FOXN3: variants seen among roughly 807,000 people sequenced by gnomAD.
FOXN3 encodes the protein forkhead box N3.
In FOXN3, 7 loss-of-function variants were observed where a neutral mutation model predicts 38.4. The ratio of observed to expected loss-of-function variants is 0.18; its 90% CI spans 0.10 to 0.34. The LOEUF (loss-of-function observed/expected upper bound fraction) is 0.34, where lower values mean the gene tolerates loss of function less well. Among genes scored for constraint, FOXN3 ranks in the 10% least tolerant of loss-of-function variants. The probability of loss-of-function intolerance (pLI) is 1.00; values close to 1 mark genes in which losing one functional copy is unlikely to be tolerated. For missense variants in FOXN3, 456 were observed against 613.4 expected (o/e 0.74, Z 2.71); for synonymous variants, 230 against 242.2 (o/e 0.95, Z 0.47).
At chr14:89,201,511 C>A (rs1052639940) in intron 4 of FOXN3, among the ~76,000 whole-genome samples, 2 of 152,176 alleles carry the variant, frequency 1.3e-5, no homozygotes, top group African/African-American at 4.8e-5. Flanking sequence ...TGGAGACTCC[C>A]AAGAGACCCC....
intron 1 of FOXN3, among the ~76,000 whole-genome samples, chr14:89,453,236 C>T (rs1404301851): frequency 6.6e-6 from 1 of 150,644 alleles, no homozygotes; most frequent in East Asian, 2.0e-4. Flanking sequence ...TAAAATGAAC[C>T]CAATGATAAT....
intron 1 of FOXN3, among the ~76,000 whole-genome samples, chr14:89,563,077 G>A (rs1596318568): frequency 6.6e-6 from 1 of 152,134 alleles, no homozygotes. Context: ...CCTGTACATC[G>A]AAGAGATGCC....
intron 1 of FOXN3, among the ~76,000 whole-genome samples, chr14:89,595,625 T>C (rs1301592047): frequency 1.3e-5 from 2 of 152,226 alleles, no homozygotes; most frequent in South Asian, 2.1e-4. Context: ...TACTCAGTAA[T>C]TTAGTCTCCC....
chr14:89,287,155 T>C (rs886262604), intron 3 of FOXN3, among the ~76,000 whole-genome samples: 3 of 151,456 alleles, frequency 2.0e-5, no homozygotes, highest in African/African-American at 7.4e-5. Flanking sequence ...GTTTTTCTTT[T>C]AGTTGTTTTT....
intron 1 of FOXN3, among the ~76,000 whole-genome samples, chr14:89,547,031 C>T (rs1345205149): frequency 2.6e-5 from 4 of 151,812 alleles, no homozygotes; most frequent in African/African-American, 7.2e-5. Flanking sequence ...GCGATCCACC[C>T]GCCGCAGCCT....
At chr14:89,435,549 A>C (rs1892258354) in intron 1 of FOXN3, among the ~76,000 whole-genome samples, 1 of 152,106 alleles carries the variant, frequency 6.6e-6, no homozygotes, top group African/African-American at 2.4e-5. Flanking sequence ...TACGACAGCC[A>C]AAGCATTCGT....
chr14:89,391,655 C>T (rs1890950173), intron 2 of FOXN3, among the ~76,000 whole-genome samples: 1 of 152,196 alleles, frequency 6.6e-6, no homozygotes, highest in African/African-American at 2.4e-5. Context: ...TCCCCAAATA[C>T]AGCCTGGTTG....
At chr14:89,429,404 G>A (rs1180146227) in intron 1 of FOXN3, among the ~76,000 whole-genome samples, 2 of 152,160 alleles carry the variant, frequency 1.3e-5, no homozygotes, top group Admixed American at 6.5e-5. Flanking sequence ...TCAACGCACT[G>A]GCTTGCTTTT....
rs917988 is a variant in FOXN3 at position 89,349,301 on chromosome 14, C to A, written c.680+1371G>T. Reference sequence around the variant, plus strand: ...GGCTGGGCTGCTTTGGAAAATCCCACTTTCTCTCCTACAGCTATATGACCT... The same window carrying A: ...GGCTGGGCTGCTTTGGAAAATCCCAATTTCTCTCCTACAGCTATATGACCT... On this transcript the variant is annotated intron_variant, in intron 3 of 5. Transcript: ENST00000557258. Among the ~76,000 whole-genome samples, 959 of 152,300 alleles carry A rather than the reference C, an allele frequency of 6.3e-3. 17 individuals are homozygous for A. The highest frequency in any genetic ancestry group is 0.022 in the African/African-American group (907 of 41,560).
rs187263980 is a variant in FOXN3, at chr14:89,409,029, C to A, written c.543+2905G>T. Among the ~76,000 whole-genome samples the A allele has an allele frequency of 6.6e-5, 10 of 152,274 alleles. No individual in the cohort carries two copies. The East Asian group carries it at 1.7e-3, about 27-fold the overall frequency. On this transcript the variant is annotated intron_variant, in intron 2 of 5. Coordinates refer to ENST00000557258, the MANE Select transcript of FOXN3 (RefSeq NM_005197.4). ...GGGTGTACCTGAGCATACCTGGGAG[C>A]CTGCACCTCTCACAGCAGCCAGCAG... is the stretch of plus-strand genomic sequence containing the variant.
chr14:89,297,488 A>C (rs1887078522), intron 3 of FOXN3, among the ~76,000 whole-genome samples: 1 of 150,514 alleles, frequency 6.6e-6, no homozygotes, highest in African/African-American at 2.4e-5. Context: ...TGAAACTGGG[A>C]GGCGGAGCTT....
intron 1 of FOXN3, among the ~76,000 whole-genome samples, chr14:89,532,298 T>G (rs1034094170): frequency 1.3e-5 from 2 of 152,214 alleles, no homozygotes; most frequent in African/African-American, 4.8e-5. Context: ...TAAACCAGAC[T>G]GTGTTTAAGT....
chr14:89,455,604 C>CACGT (rs1399929419), intron 1 of FOXN3, among the ~76,000 whole-genome samples: 1 of 152,188 alleles, frequency 6.6e-6, no homozygotes, highest in Non-Finnish European at 1.5e-5. Context: ...CGGCCACAGC[C>CACGT]ACGTAGCAGG....
chr14:89,564,565 A>G (rs1895311432), intron 1 of FOXN3, among the ~76,000 whole-genome samples: 2 of 152,196 alleles, frequency 1.3e-5, no homozygotes, highest in Admixed American at 6.6e-5. Context: ...GTACAGTTGA[A>G]GGTGGTAATG....
At chr14:89,563,200 ACTGT>A (rs1895284472) in intron 1 of FOXN3, among the ~76,000 whole-genome samples, 1 of 152,274 alleles carries the variant, frequency 6.6e-6, no homozygotes, top group Admixed American at 6.5e-5. Context: ...ATAAGCCAGG[ACTGT>A]CTTACATGCT....
At chr14:89,450,926 G>GC (rs1051526519) in intron 1 of FOXN3, among the ~76,000 whole-genome samples, 10 of 152,238 alleles carry the variant, frequency 6.6e-5, no homozygotes, top group African/African-American at 2.2e-4. Flanking sequence ...TGCCACAAAG[G>GC]CCCCCCAGGG....
intron 1 of FOXN3, among the ~76,000 whole-genome samples, chr14:89,423,044 T>C (rs1891948149): frequency 6.6e-6 from 1 of 152,162 alleles, no homozygotes; most frequent in Non-Finnish European, 1.5e-5. Flanking sequence ...CAAGTAAGCA[T>C]CTAGCTCCTC....
intron 2 of FOXN3, chr14:89,351,174 G>GA (rs139132699): frequency 8.4e-4 from 126 of 150,224 alleles, no homozygotes; most frequent in Non-Finnish European, 1.3e-3. Context: ...AAAGTTTGGG[G>GA]AAAAAAAAAA....
intron 2 of FOXN3, among the ~76,000 whole-genome samples, chr14:89,377,807 T>C (rs1428053775): frequency 6.6e-6 from 1 of 152,202 alleles, no homozygotes; most frequent in African/African-American, 2.4e-5. Context: ...CCTCAGAATG[T>C]GGCTCTATTT....
Sources: allele counts gnomAD v4.1 joint callset (sites outside exome capture counted in the v4.1 genomes callset), GRCh38; gene constraint gnomAD v4.1.1; transcripts MANE v1.5; gene names NCBI Gene and HGNC (gene_info 2026-07-23, HGNC 2026-07-21).